Variants in ADPGK observed in about 807,000 individuals in gnomAD.
ADPGK encodes ADP-dependent glucokinase.
A neutral mutation model predicts 42.4 loss-of-function variants in ADPGK; 26 were observed. The ratio of observed to expected loss-of-function variants is 0.61; its 90% CI spans 0.45 to 0.85. The LOEUF (loss-of-function observed/expected upper bound fraction) is 0.85, where lower values mean the gene tolerates loss of function less well. Ranked by LOEUF, ADPGK falls within the 40% of genes least tolerant of loss-of-function variation. The pLI, the probability that ADPGK is intolerant of heterozygous loss-of-function variation, is 0.00. For missense variants in ADPGK, 571 were observed against 627.0 expected (o/e 0.91, Z 0.95); for synonymous variants, 267 against 252.6 (o/e 1.06, Z -0.54).
chr15:72,775,130 C>T, intron 1 of ADPGK, 33 bp from the exon 2 acceptor site: 1 of 1,574,650 alleles, frequency 6.4e-7, no homozygotes, highest in Non-Finnish European at 8.7e-7. Context: ...GTGAAAGCAG[C>T]AGAAGCACCA....
intron 3 of ADPGK, among the ~76,000 whole-genome samples, chr15:72,764,220 T>C (rs138490001): frequency 9.8e-4 from 149 of 152,252 alleles, no homozygotes; most frequent in African/African-American, 3.5e-3. Context: ...GTTAGCCAAG[T>C]TGTGAATGCA....
At chr15:72,760,823 G>A (rs916304474) in intron 3 of ADPGK, among the ~76,000 whole-genome samples, 5 of 152,084 alleles carry the variant, frequency 3.3e-5, no homozygotes, top group African/African-American at 1.2e-4. Context: ...CCTCTGCTGC[G>A]GACTGCACGT....
Position 72,783,643 on chromosome 15 carries a change from CG to C in ADPGK, c.48del (p.Val17TrpfsTer74). 6.6e-7 allele frequency: 1 copy of C among 1,510,538 alleles called. No homozygotes were observed. Among genetic ancestry groups the C allele is most frequent in the Non-Finnish European group, 8.8e-7 (1 of 1,137,204 alleles). The allele number at this position is 1,510,538 out of a possible 1,614,324, so 93.6% of individuals were successfully genotyped here. A position where few individuals can be genotyped will look rare whatever the true frequency, so the allele number is the denominator to read the frequency against. The stretch of plus-strand genomic sequence containing the variant: ...GGCTCCAGCAGGAAGACGCAGCCCA[CG>C]GCCAGCGCCAGGAAGCCCGCGTACG... ...GSAYAGFLAL[A>X]VGCVFLLEPE... is the part of the protein sequence containing the mutation. On this transcript the variant is annotated frameshift_variant, in exon 1 of 7. Coordinates refer to ENST00000456471, the MANE Select transcript of ADPGK (RefSeq NM_001365225.1). LOFTEE classifies it high-confidence loss of function.
chr15:72,775,767 C>T (rs1177715216), intron 1 of ADPGK, among the ~76,000 whole-genome samples: 1 of 152,098 alleles, frequency 6.6e-6, no homozygotes, highest in Non-Finnish European at 1.5e-5. Flanking sequence ...TAAGAACTCA[C>T]CCTTTGGCCA....
chr15:72,752,286 A>G lies in ADPGK; in HGVS notation c.*55T>C. On this transcript the variant is annotated 3_prime_UTR_variant, in exon 7 of 7. Coordinates refer to ENST00000456471, the MANE Select transcript of ADPGK (RefSeq NM_001365225.1). ...GTCTTCCAAACCACTTTCTTCCTGT[A>G]ATTCTTAAGTTGGCTAGTTCTCCTT... 1 of 1,510,658 alleles carries G rather than the reference A, an allele frequency of 6.6e-7. No individual in the cohort carries two copies. Among genetic ancestry groups the G allele is most frequent in the Non-Finnish European group, 8.9e-7 (1 of 1,122,132 alleles). The allele number at this position is 1,510,658 out of a possible 1,614,324, so 93.6% of individuals were successfully genotyped here.
chr15:72,779,751 G>A (rs2066434113), intron 1 of ADPGK, among the ~76,000 whole-genome samples: 1 of 152,196 alleles, frequency 6.6e-6, no homozygotes, highest in East Asian at 1.9e-4. Context: ...CTTCCTGGGT[G>A]ATCCTATCCA....
At chr15:72,756,474 G>T in intron 4 of ADPGK, 27 bp from the exon 5 acceptor site, 1 of 1,612,568 alleles carries the variant, frequency 6.2e-7, no homozygotes, top group South Asian at 1.1e-5. Flanking sequence ...AACACAATGG[G>T]AAGAAAAGGA....
intron 2 of ADPGK, among the ~76,000 whole-genome samples, chr15:72,772,922 A>G (rs552508603): frequency 1.3e-5 from 2 of 152,214 alleles, no homozygotes; most frequent in East Asian, 1.9e-4. Flanking sequence ...CTGCTGTTCT[A>G]TTATAAAAGT....
intron 3 of ADPGK, among the ~76,000 whole-genome samples, chr15:72,770,334 G>C (rs62017598): frequency 0.12 from 18,760 of 152,268 alleles, 1,886 homozygotes; most frequent in East Asian, 0.51. Flanking sequence ...CCCAGGACCA[G>C]CTACTCCAGA....
intron 1 of ADPGK, 97 bp downstream of exon 1, chr15:72,783,362 C>T: frequency 1.5e-6 from 2 of 1,298,498 alleles, no homozygotes; most frequent in East Asian, 3.1e-5. Flanking sequence ...AGCAGCGCCT[C>T]CCGGGGACCT....
chr15:72,781,975 G>C (rs2066464012), intron 1 of ADPGK, among the ~76,000 whole-genome samples: 1 of 152,200 alleles, frequency 6.6e-6, no homozygotes, highest in Non-Finnish European at 1.5e-5. Context: ...CTGCAAGCTA[G>C]GAAGAGAGGC....
intron 1 of ADPGK, among the ~76,000 whole-genome samples, chr15:72,780,127 T>C (rs1372292539): frequency 1.3e-5 from 2 of 152,178 alleles, no homozygotes; most frequent in African/African-American, 4.8e-5. Flanking sequence ...CATTAGTCAA[T>C]TTTCATAATG....
chr15:72,783,318 G>C, intron 1 of ADPGK, 141 bp downstream of exon 1: 1 of 1,277,474 alleles, frequency 7.8e-7, no homozygotes, highest in Non-Finnish European at 9.9e-7. Flanking sequence ...CCACTCAGAC[G>C]TCCGACACTT....
intron 3 of ADPGK, 66 bp from the exon 4 acceptor site, chr15:72,760,593 C>A: frequency 6.7e-7 from 1 of 1,498,344 alleles, no homozygotes; most frequent in Non-Finnish European, 9.0e-7. Context: ...CTCAACAGCA[C>A]CCCAGGACAG....
chr15:72,781,467 T>C (rs1420211863), intron 1 of ADPGK, among the ~76,000 whole-genome samples: 1 of 152,068 alleles, frequency 6.6e-6, no homozygotes, highest in Non-Finnish European at 1.5e-5. Context: ...TGTTCCCACT[T>C]TGGCTTGAAG....
At chr15:72,766,314 A>T (rs2066258418) in intron 3 of ADPGK, among the ~76,000 whole-genome samples, 1 of 152,170 alleles carries the variant, frequency 6.6e-6, no homozygotes, top group South Asian at 2.1e-4. Flanking sequence ...GTAAAATGCT[A>T]TCAAACAGCA....
At position 72,783,605 on chromosome 15, in the gene ADPGK, G is replaced by A. The variant is rs780524597; in HGVS notation, c.87C>T (p.Gly29=). The A allele has an allele frequency of 2.6e-6, 4 of 1,516,574 alleles. No homozygotes were observed. Among genetic ancestry groups the A allele is most frequent in the African/African-American group, 2.9e-5 (2 of 69,858 alleles). The allele number at this position is 1,516,574 out of a possible 1,614,324, so 93.9% of individuals were successfully genotyped here. The change falls in exon 1 of 7, where the codon GGC becomes GGT. Residue 29 remains glycine (G), a synonymous_variant. Coordinates refer to ENST00000456471, the MANE Select transcript of ADPGK (RefSeq NM_001365225.1). ...CVFLLEPELP[G]SALRSLWSSL... is the part of the protein sequence containing the mutation. ...AGCTCCAGAGAGAGCGCAGCGCCGA[G>A]CCTGGCAGCTCTGGCTCCAGCAGGA...
chr15:72,755,741 T>C, intron 5 of ADPGK, 87 bp from the exon 6 acceptor site: 1 of 1,046,130 alleles, frequency 9.6e-7, no homozygotes, highest in East Asian at 2.4e-5. Context: ...TGAGAGGCGG[T>C]TCCTCCTGGT....
intron 4 of ADPGK, among the ~76,000 whole-genome samples, chr15:72,759,472 C>T (rs978166696): frequency 5.3e-5 from 8 of 152,080 alleles, no homozygotes; most frequent in South Asian, 2.1e-4. Context: ...AGTAAGCACC[C>T]GAAAGAGAAC....
Sources: gnomAD v4.1 joint callset for allele counts (sites outside exome capture counted in the v4.1 genomes callset) on GRCh38, gnomAD v4.1.1 for gene constraint, MANE v1.5 for transcripts, NCBI Gene and HGNC (gene_info 2026-07-23, HGNC 2026-07-21) for gene names.